The following RAB28 variants were observed in gnomAD, a reference collection of about 807,000 sequenced individuals.
RAB28 encodes RAB28, member RAS oncogene family, also known as ras-related protein Rab-28.
RAB28 carries 24 observed loss-of-function variants against 31.7 expected under a neutral mutation model. The observed-to-expected ratio is 0.76, with a 90% confidence interval of 0.55 to 1.06. The LOEUF (loss-of-function observed/expected upper bound fraction) is 1.06, where lower values mean the gene tolerates loss of function less well. Ranked by LOEUF, RAB28 falls within the 50% of genes least tolerant of loss-of-function variation. RAB28 has a pLI of 0.00. For missense variants in RAB28, 254 were observed against 258.5 expected, an observed-to-expected ratio of 0.98 and a Z score of 0.12; for synonymous variants, 100 against 90.4, an observed-to-expected ratio of 1.11 and a Z score of -0.60.
intron 4 of RAB28, among the ~76,000 whole-genome samples, chr4:13,418,184 A>C (rs1011635201): frequency 1.3e-5 from 2 of 152,166 alleles, no homozygotes; most frequent in African/African-American, 4.8e-5. Flanking sequence ...GAAATAAAGC[A>C]AGAGGAGAAA....
At chr4:13,435,398 T>G (rs1714043195) in intron 4 of RAB28, among the ~76,000 whole-genome samples, 1 of 151,390 alleles carries the variant, frequency 6.6e-6, no homozygotes, top group Non-Finnish European at 1.5e-5. Flanking sequence ...TAAATGGAAT[T>G]GAGACCAAGA....
intron 4 of RAB28, among the ~76,000 whole-genome samples, chr4:13,428,717 A>C (rs1413381271): frequency 1.3e-5 from 2 of 152,208 alleles, no homozygotes; most frequent in African/African-American, 4.8e-5. Flanking sequence ...GAAAGAAAAA[A>C]GCAGAAAGGT....
intron 4 of RAB28, among the ~76,000 whole-genome samples, chr4:13,415,727 G>A (rs559998889): frequency 6.6e-5 from 10 of 151,910 alleles, no homozygotes; most frequent in Admixed American, 2.0e-4. Context: ...CCTGCTCTAC[G>A]GCGCCCGGTC....
chr4:13,457,951 A>G lies in RAB28; in HGVS notation c.391+2748T>C, dbSNP rs75922529. ...TCTATAATTTCTCATAAGGTAATGCAAAACCTCCAATAAAGCACATACTTA... is the reference window on the plus strand; with the variant it reads ...TCTATAATTTCTCATAAGGTAATGCGAAACCTCCAATAAAGCACATACTTA... On this transcript the variant is annotated intron_variant, in intron 4 of 6. Coordinates refer to ENST00000330852, the MANE Select transcript of RAB28 (RefSeq NM_001017979.3). Among the ~76,000 whole-genome samples the G allele has an allele frequency of 3.9e-3, 601 of 152,338 alleles. 2 individuals carry two copies. The highest frequency in any genetic ancestry group is 0.014 in the African/African-American group (585 of 41,572).
At chr4:13,431,163 CAG>C (rs1713786913) in intron 4 of RAB28, among the ~76,000 whole-genome samples, 1 of 152,198 alleles carries the variant, frequency 6.6e-6, no homozygotes. Context: ...GGACAGAACA[CAG>C]AGTTGCCTGC....
chr4:13,417,174 T>A (rs1298394591), intron 4 of RAB28, among the ~76,000 whole-genome samples: 1 of 152,218 alleles, frequency 6.6e-6, no homozygotes, highest in East Asian at 1.9e-4. Context: ...GGCAGCCGCC[T>A]GGCAGAGGGA....
At chr4:13,378,421 A>G (rs567774208) in intron 5 of RAB28, among the ~76,000 whole-genome samples, 87 of 152,196 alleles carry the variant, frequency 5.7e-4, no homozygotes, top group Non-Finnish European at 1.1e-3. Context: ...TGAGGGCAAA[A>G]GTCTGCTGGA....
At chr4:13,420,134 C>A (rs893295709) in intron 4 of RAB28, among the ~76,000 whole-genome samples, 1 of 152,104 alleles carries the variant, frequency 6.6e-6, no homozygotes, top group African/African-American at 2.4e-5. Flanking sequence ...AACATCTCTA[C>A]GCAAATAAAC....
chr4:13,414,888 G>A (rs1270278178), intron 4 of RAB28, among the ~76,000 whole-genome samples: 1 of 152,074 alleles, frequency 6.6e-6, no homozygotes, highest in Non-Finnish European at 1.5e-5. Context: ...AGATGAATAG[G>A]ACAGGATGAA....
intron 2 of RAB28, among the ~76,000 whole-genome samples, chr4:13,476,906 G>C (rs1363744576): frequency 2.0e-5 from 3 of 151,480 alleles, no homozygotes; most frequent in Admixed American, 6.6e-5. Flanking sequence ...ACAAAACACA[G>C]GTAAGTTGCT....
intron 4 of RAB28, among the ~76,000 whole-genome samples, chr4:13,446,303 C>G (rs1714691834): frequency 6.6e-6 from 1 of 152,188 alleles, no homozygotes; most frequent in Admixed American, 6.5e-5. Flanking sequence ...GTTTGCGGGG[C>G]TCTGTGGGAG....
At chr4:13,441,280 A>G (rs1265884270) in intron 4 of RAB28, among the ~76,000 whole-genome samples, 1 of 152,192 alleles carries the variant, frequency 6.6e-6, no homozygotes, top group Non-Finnish European at 1.5e-5. Context: ...CCTTTAATAC[A>G]TATATTCAAT....
At chr4:13,389,533 A>G (rs894589883) in intron 4 of RAB28, among the ~76,000 whole-genome samples, 2 of 152,134 alleles carry the variant, frequency 1.3e-5, no homozygotes, top group African/African-American at 4.8e-5. Context: ...ACTTTAATGG[A>G]AAATTTCAAA....
At chr4:13,413,274 T>C (rs908636081) in intron 4 of RAB28, among the ~76,000 whole-genome samples, 2 of 152,168 alleles carry the variant, frequency 1.3e-5, no homozygotes, top group Admixed American at 1.3e-4. Flanking sequence ...AAAATTTAAG[T>C]CATTAATTAT....
At chr4:13,398,970 G>C (rs369430310) in intron 4 of RAB28, among the ~76,000 whole-genome samples, 2 of 152,228 alleles carry the variant, frequency 1.3e-5, no homozygotes, top group South Asian at 2.1e-4. Flanking sequence ...ACAGAATTCA[G>C]TGTAATAAGA....
rs879898137 is a variant in RAB28, at chr4:13,367,766, T to C, written c.*792A>G. On this transcript the variant is annotated 3_prime_UTR_variant, in exon 7 of 7. Coordinates refer to ENST00000330852, the MANE Select transcript of RAB28 (RefSeq NM_001017979.3). ...TTTGTGAAAGAAAAACATCTGAACA[T>C]CAGGTACAGTCTGATCCACAATGTC... 1.5e-5 allele frequency: 15 copies of C among 985,022 alleles called. No homozygotes were observed. The highest frequency in any genetic ancestry group is 6.2e-5 in the Admixed American group (1 of 16,250). 61.0% of individuals were successfully genotyped at this position (985,022 alleles called of 1,614,324 possible).
intron 4 of RAB28, among the ~76,000 whole-genome samples, chr4:13,411,832 A>ATTAGAAAAATGTAT (rs775837960): frequency 3.9e-4 from 59 of 152,138 alleles, no homozygotes; most frequent in Non-Finnish European, 7.5e-4. Flanking sequence ...TAGACAAATG[A>ATTAGAAAAATGTAT]TAGACTGAAA....
At position 13,479,543 on chromosome 4, in the gene RAB28, C is replaced by T. The variant is rs1367246333; in HGVS notation, c.76-17G>A. The stretch of plus-strand genomic sequence containing the variant: ...TAAGGAGGTCTAAAAAATTGATGCA[C>T]AGAATGTCAAAATTAATTCATTAAA... On this transcript the variant is annotated splice_polypyrimidine_tract_variant and intron_variant, in intron 1 of 6. Transcript: ENST00000330852. The T allele has an allele frequency of 2.0e-6, 3 of 1,472,242 alleles. No individual in the cohort carries two copies. Among genetic ancestry groups the T allele is most frequent in the East Asian group, 2.3e-5 (1 of 43,982 alleles). 91.2% of individuals were successfully genotyped at this position (1,472,242 alleles called of 1,614,324 possible).
At chr4:13,453,428 T>C (rs1715083664) in intron 4 of RAB28, among the ~76,000 whole-genome samples, 3 of 152,138 alleles carry the variant, frequency 2.0e-5, no homozygotes. Flanking sequence ...TTCCTTTGTG[T>C]ATTGGCTCTA....
Sources: gnomAD v4.1 joint callset for allele counts (sites outside exome capture counted in the v4.1 genomes callset) on GRCh38, gnomAD v4.1.1 for gene constraint, MANE v1.5 for transcripts, NCBI Gene and HGNC (gene_info 2026-07-23, HGNC 2026-07-21) for gene names.